Variants in OTOF observed in about 807,000 individuals in gnomAD.
OTOF encodes the protein otoferlin.
Under a neutral mutation model 236.8 loss-of-function variants are expected in OTOF, and 218 were observed. The ratio of observed to expected loss-of-function variants is 0.92; its 90% CI spans 0.82 to 1.03. The LOEUF (loss-of-function observed/expected upper bound fraction) is 1.03. OTOF is among the 50% of genes least tolerant of loss of function. The pLI is 0.00. For missense variants in OTOF, 2,590 were observed against 2,694.4 expected (o/e 0.96, Z 0.86); for synonymous variants, 1,041 against 1,072.5 (o/e 0.97, Z 0.57).
In OTOF at chr2:26,466,069, T is replaced by C. The variant is rs760636841; in HGVS notation, c.4508A>G (p.Asp1503Gly). ...GCCGTTGATGTCAGCAGGGTGCAGG[T>C]CCGTGGCCTGGAATGGGGAGAAGGG... is the stretch of plus-strand genomic sequence containing the variant. ...LVRVYVVRAT[D>G]LHPADINGKA... The change falls in exon 37 of 47, where the codon GAC (aspartate) becomes GGC (glycine). Residue 1503 changes from aspartate (D) to glycine (G), a missense_variant. Asp to Gly is a moderately conservative substitution (Grantham distance 94, BLOSUM62 -1). Transcript: ENST00000272371. 2 of 1,614,036 alleles carry C rather than the reference T, an allele frequency of 1.2e-6. No individual in the cohort carries two copies. The highest frequency in any genetic ancestry group is 2.7e-5 in the African/African-American group (2 of 74,920).
intron 31 of OTOF, 73 bp downstream of exon 31, chr2:26,471,048 A>C: frequency 6.4e-7 from 1 of 1,562,064 alleles, no homozygotes; most frequent in East Asian, 2.2e-5. Flanking sequence ...CTGATGCTGG[A>C]CCCTTTGGCC....
rs1426310468 is a variant in OTOF, at chr2:26,463,993, G to A, written c.5074C>T (p.Leu1692Phe). 1 of 1,613,694 alleles carries A rather than the reference G, an allele frequency of 6.2e-7. No individual in the cohort carries two copies. Among genetic ancestry groups the A allele is most frequent in the East Asian group, 2.2e-5 (1 of 44,886 alleles). The change falls in exon 40 of 47, where the codon CTC becomes TTC. Residue 1692 changes from leucine (L) to phenylalanine (F), a missense_variant. Leu to Phe is a conservative substitution (Grantham distance 22). This residue lies in a region of OTOF where 1,211 missense variants were observed against 1,352.8 expected (regional missense o/e 0.90). Transcript: ENST00000272371. The part of the protein sequence containing the change: ...VPEHVETRPL[L>F]NPDKPGIEQG... ...TCGATGCCCGGCTTGTCGGGGTTGA[G>A]CAGCGGCCTCGTCTCCACATGCTCT...
chr2:26,558,380 C>T, intron 1 of OTOF, 113 bp downstream of exon 1: 5 of 940,118 alleles, frequency 5.3e-6, no homozygotes, highest in South Asian at 5.2e-5. Flanking sequence ...CCAGCCCCTG[C>T]TAGAACTTTT....
At chr2:26,482,334 G>A (rs911928289) in intron 14 of OTOF, 72 bp downstream of exon 14, 5 of 1,386,238 alleles carry the variant, frequency 3.6e-6, no homozygotes, top group African/African-American at 1.4e-5. Flanking sequence ...GTGAAGAGAG[G>A]GCATCTCACA....
intron 4 of OTOF, among the ~76,000 whole-genome samples, chr2:26,517,181 G>GAAAA (rs1666554228): frequency 6.6e-6 from 1 of 152,178 alleles, no homozygotes; most frequent in Non-Finnish European, 1.5e-5. Flanking sequence ...ACTCAACCGG[G>GAAAA]CTCAGGCTTA....
intron 15 of OTOF, 58 bp downstream of exon 15, chr2:26,480,728 A>T: frequency 7.0e-7 from 1 of 1,425,352 alleles, no homozygotes. Flanking sequence ...CAGGTGACTC[A>T]GGGAGAAGGG....
chr2:26,516,785 T>C (rs1039911702), intron 4 of OTOF, among the ~76,000 whole-genome samples, 186 bp from the exon 5 acceptor site: 6 of 152,170 alleles, frequency 3.9e-5, no homozygotes, highest in Admixed American at 1.3e-4. Context: ...AAAGGCTGAC[T>C]TGTGCAGACC....
chr2:26,558,219 G>A (rs914634086), intron 1 of OTOF, among the ~76,000 whole-genome samples: 2 of 152,028 alleles, frequency 1.3e-5, no homozygotes, highest in Non-Finnish European at 2.9e-5. Flanking sequence ...TGCCTCCCCA[G>A]GCAGAGGGCT....
intron 2 of OTOF, among the ~76,000 whole-genome samples, chr2:26,536,421 C>T (rs973686444): frequency 5.9e-5 from 9 of 152,232 alleles, no homozygotes; most frequent in South Asian, 2.1e-4. Context: ...GCAGTGGGGA[C>T]GTACCAGGGA....
rs1244543522 is a variant in OTOF, at chr2:26,465,683, C to A, written c.4788G>T (p.Gln1596His). 1 of 1,614,168 alleles carries A rather than the reference C, an allele frequency of 6.2e-7. No homozygotes were observed. The highest frequency in any genetic ancestry group is 8.5e-7 in the Non-Finnish European group (1 of 1,180,062). ...CATGCCCCACATACGTGGAGTAGGTCTGGGCGATGCCGCAGGTGGCGCGGT... is the reference window on the plus strand; with the variant it reads ...CATGCCCCACATACGTGGAGTAGGTATGGGCGATGCCGCAGGTGGCGCGGT... The part of the protein sequence containing the change: ...SKHRATCGIA[Q>H]TYSTHGYNIW... Residue 1596 changes from glutamine to histidine, a missense_variant, in exon 38 of 47, where the codon CAG becomes CAT. Coordinates refer to ENST00000272371, the MANE Select transcript of OTOF (RefSeq NM_194248.3).
intron 5 of OTOF, among the ~76,000 whole-genome samples, chr2:26,504,482 T>C (rs1666199962): frequency 6.6e-6 from 1 of 152,202 alleles, no homozygotes; most frequent in South Asian, 2.1e-4. Flanking sequence ...AGATAGGCCC[T>C]TTCCCATCTA....
chr2:26,464,911 TG>T lies in OTOF; in HGVS notation c.4917del (p.Asn1640ThrfsTer29). On this transcript the variant is annotated frameshift_variant, in exon 39 of 47. Coordinates refer to ENST00000272371, the MANE Select transcript of OTOF (RefSeq NM_194248.3). LOFTEE classifies it high-confidence loss of function. ...HFGPPGRVKV[A>X]NRVFTGPSEI... is the part of the protein sequence containing the mutation. The stretch of plus-strand genomic sequence containing the variant: ...TCAGAGGGCCCAGTGAAGACGCGGT[TG>T]GCCACCTTCACTCTCCCAGGGGGCC... The T allele has an allele frequency of 6.3e-7, 1 of 1,597,870 alleles. No homozygotes were observed. Among genetic ancestry groups the T allele is most frequent in the Non-Finnish European group, 8.5e-7 (1 of 1,171,822 alleles).
chr2:26,497,290 G>C (rs908293185), intron 8 of OTOF, among the ~76,000 whole-genome samples: 5 of 151,900 alleles, frequency 3.3e-5, no homozygotes, highest in African/African-American at 1.2e-4. Context: ...TAGTAGAGAC[G>C]AGGTTTCACC....
At chr2:26,497,420 T>A (rs571374270) in intron 8 of OTOF, among the ~76,000 whole-genome samples, 1 of 152,288 alleles carries the variant, frequency 6.6e-6, no homozygotes, top group South Asian at 2.1e-4. Flanking sequence ...ACTCCGAAGG[T>A]TGCTTTTCAT....
chr2:26,482,638 A>T (rs1156738043), intron 13 of OTOF, 46 bp from the exon 14 acceptor site: 2 of 1,536,798 alleles, frequency 1.3e-6, no homozygotes, highest in South Asian at 1.1e-5. Context: ...TGTGTGTGTG[A>T]GTGGGTGCAT....
In OTOF at chr2:26,470,699, T is replaced by G. The variant is rs62641623; in HGVS notation, c.3917A>C (p.Lys1306Thr). 274 of 1,613,758 alleles carry G rather than the reference T, an allele frequency of 1.7e-4. No homozygotes were observed. The African/African-American group carries it at 3.3e-3, about 19-fold the overall frequency. ...VDVAEEEKEK[K>T]KKKKGTAEEP... ...CTCCGCAGTGCCCTTCTTCTTCTTCTTCTTCTCCTTCTCCTCCTCAGCCTG... is the reference window on the plus strand; with the variant it reads ...CTCCGCAGTGCCCTTCTTCTTCTTCGTCTTCTCCTTCTCCTCCTCAGCCTG... Residue 1306 changes from lysine to threonine, a missense_variant, in exon 32 of 47, where the codon AAG (lysine) becomes ACG (threonine). Around this residue, in one of 2 missense-constraint regions of OTOF, gnomAD observed 1,211 missense variants for 1,352.8 expected, o/e 0.90. Transcript: ENST00000272371. This position sits in a 1 kb window ranked among gnomAD's most constrained non-coding sequence, Gnocchi z 4.3.
Position 26,473,858 on chromosome 2 carries a change from T to TGGGCTGGGGCAGG in OTOF, c.3408+120_3408+132dup. On this transcript the variant is annotated intron_variant, in intron 27 of 46. Coordinates refer to ENST00000272371, the MANE Select transcript of OTOF (RefSeq NM_194248.3). This position sits in a 1 kb window ranked among gnomAD's most constrained non-coding sequence, Gnocchi z 7.2. ...ACTTGGTGCAGATGGGGGCAGGCCC[T>TGGGCTGGGGCAGG]GGGCTGGGGCAGGAGCCTGGGTCTG... 2 of 1,249,172 alleles carry TGGGCTGGGGCAGG rather than the reference T, an allele frequency of 1.6e-6. No individual in the cohort carries two copies. The highest frequency in any genetic ancestry group is 2.3e-6 in the Non-Finnish European group (2 of 856,832). The allele number at this position is 1,249,172 out of a possible 1,614,324, so 77.4% of individuals were successfully genotyped here.
rs1444684344 is a variant in OTOF at position 26,527,917 on chromosome 2, A to G, written c.142T>C (p.Phe48Leu). ...CEDVADFDET[F>L]RWPVASSIDR... The stretch of plus-strand genomic sequence containing the variant: ...ATGCTGCTGGCCACCGGCCACCGAA[A>G]TGTCTGGGGAGAGAGGGACAACTGC... Residue 48 changes from phenylalanine (F) to leucine (L), a missense_variant, in exon 3 of 47, where the codon TTT (phenylalanine) becomes CTT (leucine). This residue lies in a region of OTOF where 1,379 missense variants were observed against 1,341.6 expected (regional missense o/e 1.03). Transcript: ENST00000272371. 3 of 1,613,544 alleles carry G rather than the reference A, an allele frequency of 1.9e-6. No homozygotes were observed. The East Asian group carries it at 6.7e-5, about 36-fold the overall frequency.
rs1665478141 is a variant in OTOF at position 26,479,765 on chromosome 2, A to G, written c.1913-112T>C. 8 of 1,042,654 alleles carry G rather than the reference A, an allele frequency of 7.7e-6. No homozygotes were observed. The South Asian group carries it at 9.8e-5, about 13-fold the overall frequency. 64.6% of individuals were successfully genotyped at this position (1,042,654 alleles called of 1,614,324 possible). A position where few individuals can be genotyped will look rare whatever the true frequency, so the allele number is the denominator to read the frequency against. On this transcript the variant is annotated intron_variant, in intron 16 of 46. Transcript: ENST00000272371. ...GAAAGGGGAGAGGGAGAGTCAGGGAATGGGGCTCAGACGTGACACATCATT... is the reference window on the plus strand; with the variant it reads ...GAAAGGGGAGAGGGAGAGTCAGGGAGTGGGGCTCAGACGTGACACATCATT...
Sources: gnomAD v4.1 joint callset for allele counts (sites outside exome capture counted in the v4.1 genomes callset) on GRCh38, gnomAD v4.1.1 for gene constraint, gnomAD v4.1.1 regional missense constraint, Gnocchi (gnomAD v3.1) non-coding constraint, MANE v1.5 for transcripts, NCBI Gene and HGNC (gene_info 2026-07-23, HGNC 2026-07-21) for gene names.